Variants in FANCB observed in about 807,000 individuals in gnomAD.
FANCB encodes FA complementation group B.
A neutral mutation model predicts 38.9 loss-of-function variants in FANCB; 5 were observed. The observed-to-expected ratio is 0.13, with a 90% CI of 0.07 to 0.27. FANCB has a LOEUF of 0.27. Ranked by LOEUF, FANCB falls within the 10% of genes least tolerant of loss-of-function variation. The pLI is 1.00. For synonymous variants in FANCB, 236 were observed against 215.4 expected, an observed-to-expected ratio of 1.10 and a Z score of -0.84; for missense variants, 573 against 602.7, an observed-to-expected ratio of 0.95 and a Z score of 0.52.
chrX:14,816,001 A>G, the FANCB span, among the ~76,000 whole-genome samples: 7 of 111,800 alleles, frequency 6.3e-5, no homozygotes, highest in African/African-American at 2.3e-4. Flanking sequence ...CAGACATTGG[A>G]GACTACAAGA....
intron 2 of FANCB, among the ~76,000 whole-genome samples, chrX:14,868,600 A>G (rs2092480952): frequency 9.0e-6 from 1 of 111,189 alleles, no homozygotes; most frequent in Non-Finnish European, 1.9e-5. Flanking sequence ...AGAGGATGGG[A>G]GGATGGGGAG....
At chrX:14,811,964 C>G in the FANCB span, among the ~76,000 whole-genome samples, 1 of 111,963 alleles carries the variant, frequency 8.9e-6, no homozygotes, top group Non-Finnish European at 1.9e-5. Context: ...AACAAACTGT[C>G]TCTTAGACCA....
Position 14,857,881 on chromosome X carries a change from G to A in FANCB, c.1178C>T (p.Pro393Leu), listed in dbSNP as rs2092429551. The part of the protein sequence containing the change: ...KQENRYLVVP[P>L]LETGLKVCFS... ...ACTAACTTTCAGTCCTGTTTCTAGA[G>A]GTGGAACCACCAGGTAACGATTCTC... The change falls in exon 5 of 10, where the codon CCT becomes CTT. Residue 393 changes from proline to leucine, a missense_variant. Coordinates refer to ENST00000650831, the MANE Select transcript of FANCB (RefSeq NM_001018113.3). The A allele has an allele frequency of 1.7e-6, 2 of 1,188,139 alleles. No homozygotes were observed. The highest frequency in any genetic ancestry group is 3.5e-5 in the African/African-American group (2 of 56,554).
the FANCB span, among the ~76,000 whole-genome samples, chrX:14,794,077 C>T: frequency 9.0e-6 from 1 of 111,688 alleles, no homozygotes. Context: ...GACACTGTTA[C>T]AAATGTGTCT....
the FANCB span, among the ~76,000 whole-genome samples, chrX:14,797,415 C>T: frequency 6.8e-3 from 768 of 112,337 alleles, 8 homozygotes; most frequent in African/African-American, 0.024. Context: ...GAGCACATGG[C>T]TCACGCCTGT....
chrX:14,828,951 C>T, the FANCB span, among the ~76,000 whole-genome samples: 1 of 111,631 alleles, frequency 9.0e-6, no homozygotes, highest in African/African-American at 3.3e-5. Context: ...CCAAGGTATT[C>T]CTCCTGCCCT....
chrX:14,860,857 T>C (rs2092443615), intron 3 of FANCB, among the ~76,000 whole-genome samples: 1 of 111,091 alleles, frequency 9.0e-6, no homozygotes, highest in African/African-American at 3.3e-5. Flanking sequence ...CAGGTATACT[T>C]GACAATGACC....
intron 7 of FANCB, among the ~76,000 whole-genome samples, chrX:14,846,368 C>A (rs1374259585): frequency 9.0e-6 from 1 of 111,587 alleles, no homozygotes; most frequent in African/African-American, 3.3e-5. Context: ...AACAACAACC[C>A]ACTGAGGATA....
chrX:14,791,302 A>G, the FANCB span, among the ~76,000 whole-genome samples: 1 of 111,440 alleles, frequency 9.0e-6, no homozygotes, highest in South Asian at 3.8e-4. Flanking sequence ...GAAAATTTGG[A>G]TGCACGCATG....
chrX:14,849,768 G>T (rs1057166372), intron 7 of FANCB, among the ~76,000 whole-genome samples: 1 of 111,534 alleles, frequency 9.0e-6, no homozygotes, highest in African/African-American at 3.3e-5. Flanking sequence ...TGAGACTATA[G>T]CATCTTAATT....
chrX:14,792,996 G>T, the FANCB span, among the ~76,000 whole-genome samples: 1 of 111,774 alleles, frequency 8.9e-6, no homozygotes, highest in African/African-American at 3.2e-5. Flanking sequence ...ATTTCCAAAT[G>T]AATTATTCAA....
intron 10 of FANCB, among the ~76,000 whole-genome samples, chrX:14,838,011 A>T (rs1182611828): frequency 1.8e-5 from 2 of 112,490 alleles, no homozygotes; most frequent in Non-Finnish European, 3.8e-5. Flanking sequence ...GTGACTGAAC[A>T]GCTTAAATGT....
At chrX:14,760,114 A>G in the FANCB span, among the ~76,000 whole-genome samples, 1 of 112,350 alleles carries the variant, frequency 8.9e-6, no homozygotes, top group Non-Finnish European at 1.9e-5. Flanking sequence ...CAGACAAAAT[A>G]ACCAGCTAAC....
At chrX:14,714,131 T>C in the FANCB span, among the ~76,000 whole-genome samples, 35 of 110,805 alleles carry the variant, frequency 3.2e-4, no homozygotes, top group Admixed American at 3.4e-3. Flanking sequence ...TATTTCCTGA[T>C]ACTAGATATA....
chrX:14,814,775 A>T, the FANCB span, among the ~76,000 whole-genome samples: 1 of 112,204 alleles, frequency 8.9e-6, no homozygotes, highest in Non-Finnish European at 1.9e-5. Context: ...TTCCTCAGGG[A>T]TCTAGAACTA....
the FANCB span, among the ~76,000 whole-genome samples, chrX:14,706,924 G>A: frequency 6.2e-5 from 7 of 112,002 alleles, no homozygotes; most frequent in Non-Finnish European, 7.5e-5. Context: ...GCTGAATGTC[G>A]TACAGCCAAT....
the FANCB span, among the ~76,000 whole-genome samples, chrX:14,693,044 AC>A: frequency 3.6e-4 from 33 of 91,828 alleles, 1 homozygote; most frequent in African/African-American, 9.9e-4. Context: ...AAGTATAATA[AC>A]AAAAAAAAAA....
intron 7 of FANCB, among the ~76,000 whole-genome samples, chrX:14,845,727 A>G (rs2092374088): frequency 8.9e-6 from 1 of 112,004 alleles, no homozygotes; most frequent in Non-Finnish European, 1.9e-5. Context: ...GTGATACGTT[A>G]GAATGCAAAC....
chrX:14,760,143 A>C, the FANCB span, among the ~76,000 whole-genome samples: 1 of 112,588 alleles, frequency 8.9e-6, no homozygotes, highest in Admixed American at 9.4e-5. Context: ...GACAGGATCA[A>C]ATTCACACAT....
Sources: allele counts gnomAD v4.1 joint callset (sites outside exome capture counted in the v4.1 genomes callset), GRCh38; gene constraint gnomAD v4.1.1; transcripts MANE v1.5; gene names NCBI Gene and HGNC (gene_info 2026-07-23, HGNC 2026-07-21).